ZMIZ1: variants seen among roughly 807,000 people sequenced by gnomAD.
ZMIZ1 encodes the protein zinc finger MIZ domain-containing protein 1.
A neutral mutation model predicts 113.9 loss-of-function variants in ZMIZ1; 17 were observed. That is an observed-to-expected ratio of 0.15 (90% confidence interval 0.10 to 0.22). The LOEUF is 0.22. ZMIZ1 is among the 10% of genes least tolerant of loss of function. The pLI is 1.00. For missense variants in ZMIZ1, 1,059 were observed against 1,477.8 expected, an observed-to-expected ratio of 0.72 and a Z score of 4.65; for synonymous variants, 607 against 603.1, an observed-to-expected ratio of 1.01 and a Z score of -0.09.
chr10:79,298,768 G>C (rs561341496), intron 15 of ZMIZ1, among the ~76,000 whole-genome samples, 188 bp downstream of exon 15: 4 of 152,352 alleles, frequency 2.6e-5, no homozygotes, highest in Admixed American at 2.6e-4. Context: ...TCTTACTGCT[G>C]CCTGGGCGCC....
chr10:79,242,178 G>C (rs1386156812), intron 7 of ZMIZ1, among the ~76,000 whole-genome samples: 1 of 152,190 alleles, frequency 6.6e-6, no homozygotes, highest in African/African-American at 2.4e-5. Context: ...GAGAGGTGGG[G>C]GGTGAGCAAG....
chr10:79,207,640 C>G (rs1459225447), intron 5 of ZMIZ1, among the ~76,000 whole-genome samples: 1 of 152,212 alleles, frequency 6.6e-6, no homozygotes, highest in Non-Finnish European at 1.5e-5. Context: ...GCTGACTTCC[C>G]CAACCATGCC....
At chr10:79,265,334 C>A (rs572806927) in intron 7 of ZMIZ1, among the ~76,000 whole-genome samples, 1 of 152,138 alleles carries the variant, frequency 6.6e-6, no homozygotes, top group Non-Finnish European at 1.5e-5. Context: ...CCCAGGCCAC[C>A]TGCACCACCC....
chr10:79,251,621 C>T (rs1278602338), intron 7 of ZMIZ1, among the ~76,000 whole-genome samples: 4 of 152,214 alleles, frequency 2.6e-5, no homozygotes, highest in African/African-American at 4.8e-5. Flanking sequence ...GAGCCTGAGA[C>T]ATCTTGGAGC....
Position 79,277,268 on chromosome 10 carries a change from T to C in ZMIZ1, c.368T>C (p.Leu123Pro). The C allele has an allele frequency of 6.3e-7, 1 of 1,597,870 alleles. No homozygotes were observed. Among genetic ancestry groups the C allele is most frequent in the Admixed American group, 1.8e-5 (1 of 56,860 alleles). The change falls in exon 8 of 25, where the codon CTC (leucine) becomes CCC (proline). Residue 123 changes from leucine to proline, a missense_variant. Coordinates refer to ENST00000334512, the MANE Select transcript of ZMIZ1 (RefSeq NM_020338.4). ...KSRQSDPPGKLPMQPPLSSMS... is the reference protein window; with the variant it reads ...KSRQSDPPGKPPMQPPLSSMS... The stretch of plus-strand genomic sequence containing the variant: ...CGCCAGAGCGATCCCCCTGGGAAAC[T>C]CCCCATGCAGCCCCCTCTCAGCTCC...
intron 6 of ZMIZ1, among the ~76,000 whole-genome samples, chr10:79,211,849 G>A (rs974582737): frequency 3.9e-5 from 6 of 152,346 alleles, no homozygotes; most frequent in Non-Finnish European, 4.4e-5. Flanking sequence ...AGGGAACGGC[G>A]GAAGACAGAG....
At chr10:79,175,381 T>C (rs1846784348) in intron 4 of ZMIZ1, among the ~76,000 whole-genome samples, 1 of 152,178 alleles carries the variant, frequency 6.6e-6, no homozygotes, top group African/African-American at 2.4e-5. Flanking sequence ...CATGCCTGTA[T>C]TTCCCAGTGC....
chr10:79,091,015 C>T (rs1842969843), intron 1 of ZMIZ1, among the ~76,000 whole-genome samples: 1 of 152,228 alleles, frequency 6.6e-6, no homozygotes, highest in Non-Finnish European at 1.5e-5. Flanking sequence ...GTCCTGCTTC[C>T]ACCACTCCCC....
chr10:79,229,971 A>C (rs1292961859), intron 7 of ZMIZ1, among the ~76,000 whole-genome samples: 1 of 152,156 alleles, frequency 6.6e-6, no homozygotes, highest in Non-Finnish European at 1.5e-5. Context: ...CCAGGTGAGG[A>C]AACTGAGGCT....
chr10:79,264,938 G>A (rs1347400353), intron 7 of ZMIZ1, among the ~76,000 whole-genome samples: 2 of 152,214 alleles, frequency 1.3e-5, no homozygotes, highest in Non-Finnish European at 2.9e-5. Flanking sequence ...AGTGTGAGGT[G>A]GCAGGGAATT....
At chr10:79,080,091 A>G (rs1842607318) in intron 1 of ZMIZ1, among the ~76,000 whole-genome samples, 1 of 152,096 alleles carries the variant, frequency 6.6e-6, no homozygotes, top group South Asian at 2.1e-4. Context: ...GCCACTCTGT[A>G]ATTGTGCATG....
chr10:79,204,435 T>C (rs920041046), intron 5 of ZMIZ1, among the ~76,000 whole-genome samples: 1 of 152,286 alleles, frequency 6.6e-6, no homozygotes, highest in African/African-American at 2.4e-5. Flanking sequence ...GCAAATCAGC[T>C]CATTCCTGCT....
intron 3 of ZMIZ1, among the ~76,000 whole-genome samples, chr10:79,160,748 A>G (rs2031166742): frequency 6.6e-6 from 1 of 152,208 alleles, no homozygotes; most frequent in Non-Finnish European, 1.5e-5. Context: ...TGAGGCCCTT[A>G]CCGAGCCCCT....
At chr10:79,093,163 CACACACACACACAT>C (rs1292901864) in intron 1 of ZMIZ1, among the ~76,000 whole-genome samples, 27 of 144,990 alleles carry the variant, frequency 1.9e-4, no homozygotes, top group South Asian at 7.0e-4. Flanking sequence ...CACACACACA[CACACACACACACAT>C]ATTCAGGGGA....
Position 79,093,065 on chromosome 10 carries a change from A to C in ZMIZ1, c.-337+23795A>C, listed in dbSNP as rs530413459. Among the ~76,000 whole-genome samples, 8 of 151,122 alleles carry C rather than the reference A, an allele frequency of 5.3e-5. No homozygotes were observed. The South Asian group carries it at 1.7e-3, about 32-fold the overall frequency. The stretch of plus-strand genomic sequence containing the variant: ...AACTGAGGTACAGAGAGTACCCAGC[A>C]AGAGAATGAATGAGTGGCAGGTCCA... On this transcript the variant is annotated intron_variant, in intron 1 of 24. Transcript: ENST00000334512.
intron 7 of ZMIZ1, among the ~76,000 whole-genome samples, chr10:79,228,904 C>T (rs985035084): frequency 1.3e-5 from 2 of 152,218 alleles, no homozygotes; most frequent in Non-Finnish European, 2.9e-5. Context: ...GCCTCATCTC[C>T]CAGCCTCTCA....
intron 16 of ZMIZ1, among the ~76,000 whole-genome samples, chr10:79,300,388 G>T (rs898579875): frequency 8.5e-5 from 13 of 152,294 alleles, no homozygotes; most frequent in Admixed American, 5.9e-4. Flanking sequence ...CTCACAGCAG[G>T]TCTTGTCAAA....
intron 4 of ZMIZ1, among the ~76,000 whole-genome samples, chr10:79,176,892 G>A (rs1299224249): frequency 6.6e-6 from 1 of 152,250 alleles, no homozygotes; most frequent in African/African-American, 2.4e-5. Flanking sequence ...ACTGGCTGAT[G>A]TGAGCTCCAG....
chr10:79,072,460 G>T (rs541113098), intron 1 of ZMIZ1, among the ~76,000 whole-genome samples: 4 of 152,200 alleles, frequency 2.6e-5, no homozygotes, highest in Admixed American at 6.5e-5. Flanking sequence ...TGGCGGGAGG[G>T]GTGAAGGGAT....
Sources: gnomAD v4.1 joint callset for allele counts (sites outside exome capture counted in the v4.1 genomes callset) on GRCh38, gnomAD v4.1.1 for gene constraint, MANE v1.5 for transcripts, NCBI Gene and HGNC (gene_info 2026-07-23, HGNC 2026-07-21) for gene names.